Variants in TALDO1 observed in about 807,000 individuals in gnomAD.
The protein encoded by TALDO1 is transaldolase 1.
TALDO1 carries 29 observed loss-of-function variants against 38.1 expected under a neutral mutation model. That is an observed-to-expected ratio of 0.76 (90% CI 0.57 to 1.04). The LOEUF (loss-of-function observed/expected upper bound fraction) is 1.04, where lower values mean the gene tolerates loss of function less well. TALDO1 is among the 50% of genes least tolerant of loss of function. The pLI is 0.00. For synonymous variants in TALDO1, 207 were observed against 176.8 expected, an observed-to-expected ratio of 1.17 and a Z score of -1.36; for missense variants, 499 against 438.1, an observed-to-expected ratio of 1.14 and a Z score of -1.24.
At chr11:759,849 G>A (rs1394745959) in intron 3 of TALDO1, among the ~76,000 whole-genome samples, 2 of 152,220 alleles carry the variant, frequency 1.3e-5, no homozygotes, top group Non-Finnish European at 2.9e-5. Context: ...CAAAGTGTTG[G>A]GATTACAGGC....
At position 764,229 on chromosome 11, in the gene TALDO1, A is replaced by T. The variant is rs1445434971; in HGVS notation, c.836-59A>T. ...TGCAGCAGTTCAGGCCCTGAGCCCA[A>T]GGGGCCAAGGTGGGCAGGGACATGG... On this transcript the variant is annotated intron_variant, in intron 6 of 7. Coordinates refer to ENST00000319006, the MANE Select transcript of TALDO1 (RefSeq NM_006755.2). 1.5e-5 allele frequency: 24 copies of T among 1,613,150 alleles called. No individual in the cohort carries two copies. In the East Asian group the frequency reaches 4.5e-4, roughly 30 times the overall value.
At chr11:750,538 A>T in intron 1 of TALDO1, among the ~76,000 whole-genome samples, 1 of 151,758 alleles carries the variant, frequency 6.6e-6, no homozygotes, top group Non-Finnish European at 1.5e-5. Context: ...GAACTTGTGA[A>T]CTTCGGCCGG....
chr11:755,672 T>G (rs990174723), intron 1 of TALDO1: 8 of 654,904 alleles, frequency 1.2e-5, no homozygotes, highest in Non-Finnish European at 1.9e-5. Flanking sequence ...GGGCACTTAG[T>G]GTTTGTTGTT....
chr11:764,016 G>A, intron 6 of TALDO1, 72 bp downstream of exon 6: 1 of 1,555,012 alleles, frequency 6.4e-7, no homozygotes, highest in South Asian at 1.2e-5. Flanking sequence ...CTGCCCTGTG[G>A]GTGATCCCTC....
At position 763,942 on chromosome 11, in the gene TALDO1, C is replaced by G. The variant is rs766902187; in HGVS notation, c.833C>G (p.Ala278Gly). ...CTGGTGCCTGTGCTCTCAGCCAAGG[C>G]GGGTGAGGCCCCACTGCCCAGCTGT... ...AKLVPVLSAK[A>G]AQASDLEKIH... Residue 278 changes from alanine to glycine, a missense_variant and splice_region_variant, in exon 6 of 8, where the codon GCG (alanine) becomes GGG (glycine). Coordinates refer to ENST00000319006, the MANE Select transcript of TALDO1 (RefSeq NM_006755.2). 5 of 1,607,554 alleles carry G rather than the reference C, an allele frequency of 3.1e-6. No homozygotes were observed. In the African/African-American group the frequency reaches 5.3e-5, roughly 17 times the overall value.
Position 755,869 on chromosome 11 carries a change from A to G in TALDO1, c.98-10A>G, listed in dbSNP as rs1273320816. 13 of 1,613,932 alleles carry G rather than the reference A, an allele frequency of 8.1e-6. No individual in the cohort carries two copies. The highest frequency in any genetic ancestry group is 2.2e-5 in the East Asian group (1 of 44,888). On this transcript the variant is annotated splice_polypyrimidine_tract_variant and intron_variant, in intron 1 of 7. Coordinates refer to ENST00000319006, the MANE Select transcript of TALDO1 (RefSeq NM_006755.2). The stretch of plus-strand genomic sequence containing the variant: ...CCACTTACTTTGGCTTTTGAAAACT[A>G]TTTCCCTAGCCATCGACGAGTACAA...
Position 764,279 on chromosome 11 carries a change from G to A in TALDO1, c.836-9G>A, listed in dbSNP as rs757499644. ...GAGCAGGCATGGAAGGCTGGTTCTT[G>A]TCCCCCAGCCCAAGCCAGTGACCTG... On this transcript the variant is annotated splice_polypyrimidine_tract_variant and intron_variant, in intron 6 of 7. Coordinates refer to ENST00000319006, the MANE Select transcript of TALDO1 (RefSeq NM_006755.2). 3.1e-6 allele frequency: 5 copies of A among 1,614,112 alleles called. No homozygotes were observed. Among genetic ancestry groups the A allele is most frequent in the Non-Finnish European group, 4.2e-6 (5 of 1,180,040 alleles).
intron 3 of TALDO1, among the ~76,000 whole-genome samples, chr11:759,875 T>C (rs1476521384): frequency 1.3e-5 from 2 of 152,238 alleles, no homozygotes; most frequent in South Asian, 2.1e-4. Flanking sequence ...CCACGGCACC[T>C]GGCCCAGTGT....
At chr11:763,314 G>GCCCCGCCCTCACCTGT (rs749446891) in intron 4 of TALDO1, 30 bp from the exon 5 acceptor site, 6 of 568,278 alleles carry the variant, frequency 1.1e-5, no homozygotes, top group Middle Eastern at 5.2e-4. Flanking sequence ...GCCCTCACCT[G>GCCCCGCCCTCACCTGT]CCCCGCCCTC....
At chr11:760,016 C>T (rs1259627336) in intron 3 of TALDO1, 106 bp from the exon 4 acceptor site, 15 of 1,519,296 alleles carry the variant, frequency 9.9e-6, no homozygotes, top group East Asian at 4.7e-5. Flanking sequence ...TTGGTGCTCA[C>T]GGTGGTGCTG....
intron 4 of TALDO1, among the ~76,000 whole-genome samples, chr11:762,694 C>T (rs1862959479): frequency 1.3e-5 from 2 of 152,266 alleles, no homozygotes; most frequent in South Asian, 2.1e-4. Context: ...TCATCCCATG[C>T]CCCAGCCACA....
chr11:748,916 C>T (rs1247043984), intron 1 of TALDO1, among the ~76,000 whole-genome samples: 1 of 152,174 alleles, frequency 6.6e-6, no homozygotes, highest in African/African-American at 2.4e-5. Flanking sequence ...GAATAATTTG[C>T]AGTTTGCCTG....
chr11:764,526 G>T, intron 7 of TALDO1, 93 bp downstream of exon 7: 1 of 1,552,100 alleles, frequency 6.4e-7, no homozygotes, highest in South Asian at 1.2e-5. Flanking sequence ...TTAAAACTTT[G>T]GTGAGACCCC....
chr11:760,305 A>G, intron 4 of TALDO1, 52 bp downstream of exon 4: 2 of 1,607,862 alleles, frequency 1.2e-6, no homozygotes, highest in South Asian at 2.2e-5. Flanking sequence ...CCTCTGTTGG[A>G]GCAGGGTCTA....
At chr11:762,955 C>T (rs954175690) in intron 4 of TALDO1, among the ~76,000 whole-genome samples, 5 of 152,240 alleles carry the variant, frequency 3.3e-5, no homozygotes, top group Admixed American at 6.5e-5. Flanking sequence ...GATGAGGTGA[C>T]GGCCTGGCGC....
intron 6 of TALDO1, 119 bp downstream of exon 6, chr11:764,063 G>A (rs1863007205): frequency 1.4e-6 from 2 of 1,388,130 alleles, no homozygotes; most frequent in African/African-American, 1.4e-5. Flanking sequence ...GAGACATGAG[G>A]GTGAAGTAGA....
rs573115501 is a variant in TALDO1, at chr11:763,350, C to G, written c.468C>G (p.Leu156=). The G allele has an allele frequency of 2.2e-5, 35 of 1,607,632 alleles. No individual in the cohort carries two copies. The highest frequency in any genetic ancestry group is 1.1e-4 in the East Asian group (5 of 44,698). The change falls in exon 5 of 8, where the codon CTC becomes CTG. Residue 156 remains leucine (L), a synonymous_variant. Coordinates refer to ENST00000319006, the MANE Select transcript of TALDO1 (RefSeq NM_006755.2). ...TWEGIQAGKE[L]EEQHGIHCNM... is the part of the protein sequence containing the mutation. ...ACCTGTCCCCGCCCCGCAGGGAGCT[C>G]GAGGAGCAGCACGGCATCCACTGCA...
At chr11:759,354 C>T (rs982552494) in intron 3 of TALDO1, among the ~76,000 whole-genome samples, 3 of 152,098 alleles carry the variant, frequency 2.0e-5, no homozygotes, top group Non-Finnish European at 2.9e-5. Flanking sequence ...CTCTGTCTCC[C>T]GGCTTGAAGC....
intron 1 of TALDO1, among the ~76,000 whole-genome samples, chr11:748,000 C>T (rs1862689924): frequency 6.6e-6 from 1 of 152,258 alleles, no homozygotes; most frequent in East Asian, 1.9e-4. Context: ...GCCCTCAGAC[C>T]CCGCACCCGG....
Sources: gnomAD v4.1 joint callset for allele counts (sites outside exome capture counted in the v4.1 genomes callset) on GRCh38, gnomAD v4.1.1 for gene constraint, MANE v1.5 for transcripts, NCBI Gene and HGNC (gene_info 2026-07-23, HGNC 2026-07-21) for gene names.